The following RECK variants were observed in gnomAD, a reference collection of about 807,000 sequenced individuals.
RECK encodes the protein reversion-inducing cysteine-rich protein with Kazal motifs.
In RECK, 69 loss-of-function variants were observed where a neutral mutation model predicts 115.1. That is an observed-to-expected ratio of 0.60 (90% CI 0.49 to 0.73). RECK has a LOEUF of 0.73. Ranked by LOEUF, RECK falls within the 30% of genes least tolerant of loss-of-function variation. The pLI is 0.00. For missense variants in RECK, 1,047 were observed against 1,203.7 expected (o/e 0.87, Z 1.93); for synonymous variants, 414 against 419.7 (o/e 0.99, Z 0.17).
intron 10 of RECK, among the ~76,000 whole-genome samples, chr9:36,098,202 G>A (rs1823430364): frequency 6.6e-6 from 1 of 152,128 alleles, no homozygotes; most frequent in Non-Finnish European, 1.5e-5. Context: ...GTTGCCAAGA[G>A]AGTAGATGTT....
intron 19 of RECK, 80 bp from the exon 20 acceptor site, chr9:36,121,453 C>A: frequency 1.4e-6 from 2 of 1,389,484 alleles, no homozygotes; most frequent in Non-Finnish European, 2.0e-6. Flanking sequence ...GCCTCCTCAG[C>A]TGGCAGCCCA....
intron 9 of RECK, among the ~76,000 whole-genome samples, chr9:36,088,360 C>G (rs937849707): frequency 6.6e-6 from 1 of 152,038 alleles, no homozygotes. Context: ...GGTGGATAAC[C>G]TGGGTTAGCA....
At chr9:36,056,706 AT>A (rs1365783954) in intron 2 of RECK, among the ~76,000 whole-genome samples, 2 of 152,108 alleles carry the variant, frequency 1.3e-5, no homozygotes, top group Non-Finnish European at 2.9e-5. Context: ...ATTTTATTTA[AT>A]TTTACTTGAT....
intron 18 of RECK, 94 bp from the exon 19 acceptor site, chr9:36,120,569 C>A: frequency 9.8e-7 from 1 of 1,022,632 alleles, no homozygotes; most frequent in Non-Finnish European, 1.5e-6. Flanking sequence ...TGTAACTCTC[C>A]TGCCCAAAAT....
At chr9:36,106,759 A>T (rs1823836406) in intron 13 of RECK, among the ~76,000 whole-genome samples, 1 of 152,038 alleles carries the variant, frequency 6.6e-6, no homozygotes, top group Admixed American at 6.6e-5. Context: ...AGAAAATAAG[A>T]TATAGTTACT....
chr9:36,041,721 G>A (rs1190013815), intron 1 of RECK, among the ~76,000 whole-genome samples: 1 of 150,952 alleles, frequency 6.6e-6, no homozygotes, highest in East Asian at 1.9e-4. Flanking sequence ...ATCTCACATG[G>A]CTTCTCTCTG....
At position 36,121,481 on chromosome 9, in the gene RECK, C is replaced by T. The variant is rs929037155; in HGVS notation, c.2539-52C>T. ...GCAGCCCAAAGCAAGGGAGCTTAGG[C>T]AGTCATAGGAATTCTTCTTTTTTTC... On this transcript the variant is annotated intron_variant, in intron 19 of 20. Transcript: ENST00000377966. 1.9e-6 allele frequency: 3 copies of T among 1,546,006 alleles called. No homozygotes were observed. In the African/African-American group the frequency reaches 4.1e-5, roughly 21 times the overall value.
rs1291345838 is a variant in RECK, at chr9:36,087,694, G to A, written c.638G>A (p.Ser213Asn). ...AGCCACTTATATTCTGAAAATGTAG[G>A]TTTATATTGCTGTGACAGAGCTGAA... The part of the protein sequence containing the change: ...QSYPMRNPTD[S>N]LYCCDRAEDH... The change falls in exon 9 of 21, where the codon AGT becomes AAT. Residue 213 changes from serine to asparagine, a missense_variant and splice_region_variant. Physicochemically the swap from Ser to Asn is conservative, Grantham distance 46. Coordinates refer to ENST00000377966, the MANE Select transcript of RECK (RefSeq NM_021111.3). 1 of 1,613,070 alleles carries A rather than the reference G, an allele frequency of 6.2e-7. No individual in the cohort carries two copies. Among genetic ancestry groups the A allele is most frequent in the East Asian group, 2.2e-5 (1 of 44,862 alleles).
intron 4 of RECK, 58 bp downstream of exon 4, chr9:36,060,213 TA>T: frequency 6.6e-7 from 1 of 1,526,612 alleles, no homozygotes. Flanking sequence ...TGTGTGAATG[TA>T]AAATTGGTGT....
chr9:36,044,208 GTATTT>G (rs1431871259), intron 1 of RECK, among the ~76,000 whole-genome samples: 5 of 148,864 alleles, frequency 3.4e-5, no homozygotes, highest in Admixed American at 2.7e-4. Context: ...ATATTCCTAA[GTATTT>G]TATTTTATTT....
At chr9:36,093,041 A>T (rs1382904050) in intron 10 of RECK, among the ~76,000 whole-genome samples, 4 of 152,212 alleles carry the variant, frequency 2.6e-5, no homozygotes, top group Non-Finnish European at 5.9e-5. Context: ...TGCTGGGCAG[A>T]CGATTTAGAA....
In RECK at chr9:36,121,567, T is replaced by A; in HGVS notation, c.2573T>A (p.Ile858Lys). Residue 858 changes from isoleucine (I) to lysine (K), a missense_variant, in exon 20 of 21, where the codon ATA (isoleucine) becomes AAA (lysine). Ile to Lys is a moderately radical substitution (Grantham distance 102). Coordinates refer to ENST00000377966, the MANE Select transcript of RECK (RefSeq NM_021111.3). Reference sequence around the variant, plus strand: ...AAAAAGCCAATAACAGTTCTGGAAATACTTCAGAAAATCCGCATGCACGTG... The same window carrying A: ...AAAAAGCCAATAACAGTTCTGGAAAAACTTCAGAAAATCCGCATGCACGTG... ...TNKKPITVLE[I>K]LQKIRMHVSV... is the part of the protein sequence containing the mutation. The A allele has an allele frequency of 6.2e-7, 1 of 1,614,046 alleles. No individual in the cohort carries two copies. Among genetic ancestry groups the A allele is most frequent in the Non-Finnish European group, 8.5e-7 (1 of 1,179,934 alleles).
chr9:36,101,764 C>T (rs1823573210), intron 11 of RECK, among the ~76,000 whole-genome samples: 1 of 152,262 alleles, frequency 6.6e-6, no homozygotes, highest in South Asian at 2.1e-4. Context: ...GCATAAGGTC[C>T]TAGAAGTGAG....
At chr9:36,105,345 G>T (rs1321115489) in intron 13 of RECK, 62 bp downstream of exon 13, 2 of 1,555,422 alleles carry the variant, frequency 1.3e-6, no homozygotes, top group African/African-American at 1.4e-5. Context: ...CTTTATAGGA[G>T]CTATCTTTCT....
chr9:36,095,752 C>T (rs950324096), intron 10 of RECK, among the ~76,000 whole-genome samples: 4 of 151,892 alleles, frequency 2.6e-5, no homozygotes, highest in African/African-American at 4.8e-5. Flanking sequence ...GCCTGGGCAA[C>T]ATGGTGAAAC....
Position 36,052,260 on chromosome 9 carries a change from C to T in RECK, c.101-5C>T. 6.3e-7 allele frequency: 1 copy of T among 1,593,478 alleles called. No individual in the cohort carries two copies. Among genetic ancestry groups the T allele is most frequent in the Non-Finnish European group, 8.6e-7 (1 of 1,161,806 alleles). On this transcript the variant is annotated splice_region_variant and splice_polypyrimidine_tract_variant and intron_variant, in intron 1 of 20. Transcript: ENST00000377966. ...CAACATTTGATGTTTATTTTTTCTC[C>T]CTAGGTGCATTGTGTTGTAATCATT... is the stretch of plus-strand genomic sequence containing the variant.
At chr9:36,053,039 C>A (rs1341628323) in intron 2 of RECK, among the ~76,000 whole-genome samples, 1 of 152,138 alleles carries the variant, frequency 6.6e-6, no homozygotes, top group African/African-American at 2.4e-5. Context: ...ATGTCTATAA[C>A]AAATGCTAAC....
chr9:36,072,147 T>TACCCAG (rs1443194009), intron 6 of RECK, among the ~76,000 whole-genome samples: 2 of 152,222 alleles, frequency 1.3e-5, no homozygotes, highest in Admixed American at 1.3e-4. Flanking sequence ...TATGTATGTC[T>TACCCAG]ACCCAGACTG....
At chr9:36,039,882 G>A (rs963182135) in intron 1 of RECK, among the ~76,000 whole-genome samples, 15 of 152,222 alleles carry the variant, frequency 9.9e-5, no homozygotes, top group Admixed American at 3.9e-4. Flanking sequence ...TAGGATTGGT[G>A]ATAGACCAGA....
Sources: allele counts gnomAD v4.1 joint callset (sites outside exome capture counted in the v4.1 genomes callset), GRCh38; gene constraint gnomAD v4.1.1; transcripts MANE v1.5; gene names NCBI Gene and HGNC (gene_info 2026-07-23, HGNC 2026-07-21).